ALMS1: variants seen among roughly 807,000 people sequenced by gnomAD.
ALMS1 encodes centrosome-associated protein ALMS1.
ALMS1 carries 271 observed loss-of-function variants against 352.2 expected under a neutral mutation model. The observed-to-expected ratio is 0.77, with a 90% CI of 0.70 to 0.85. The LOEUF (loss-of-function observed/expected upper bound fraction) is 0.85, where lower values mean the gene tolerates loss of function less well. Ranked by LOEUF, ALMS1 falls within the 40% of genes least tolerant of loss-of-function variation. The probability of loss-of-function intolerance (pLI) is 0.00; values close to 1 mark genes in which losing one functional copy is unlikely to be tolerated. For synonymous variants in ALMS1, 1,865 were observed against 1,761.2 expected (o/e 1.06, Z -1.48); for missense variants, 5,445 against 4,870.7 (o/e 1.12, Z -3.51).
At chr2:73,550,501 C>T (rs1337952932) in intron 13 of ALMS1, 64 bp downstream of exon 13, 1 of 1,572,178 alleles carries the variant, frequency 6.4e-7, no homozygotes, top group Non-Finnish European at 8.7e-7. Flanking sequence ...AATGAGATTA[C>T]TATCCAATCT....
At position 73,579,549 on chromosome 2, in the gene ALMS1, G is replaced by A. The variant is rs533117152; in HGVS notation, c.11547+6125G>A. Among the ~76,000 whole-genome samples, 5 of 152,014 alleles carry A rather than the reference G, an allele frequency of 3.3e-5. No homozygotes were observed. In the East Asian group the frequency reaches 5.8e-4, roughly 18 times the overall value. The stretch of plus-strand genomic sequence containing the variant: ...CTAATTTTTGTATTTTAGTAGAGAC[G>A]TGGTTTCACCGTGTTGGCCAGGCTG... On this transcript the variant is annotated intron_variant, in intron 16 of 22. Transcript: ENST00000613296.
At chr2:73,461,345 G>C (rs907397294) in intron 9 of ALMS1, among the ~76,000 whole-genome samples, 7 of 152,186 alleles carry the variant, frequency 4.6e-5, no homozygotes, top group African/African-American at 1.2e-4. Context: ...AGGCAAACAG[G>C]GTCTGGAGTG....
Position 73,452,470 on chromosome 2 carries a change from A to C in ALMS1, c.5943A>C (p.Pro1981=). The change falls in exon 8 of 23, where the codon CCA becomes CCC. Residue 1981 remains proline (P), a synonymous_variant. Coordinates refer to ENST00000613296, the MANE Select transcript of ALMS1 (RefSeq NM_001378454.1). ...CAGCAGAGCAGAAGACTGGGATACCAATAGGACTGTCTAGTTCCTACTCAC... is the reference window on the plus strand; with the variant it reads ...CAGCAGAGCAGAAGACTGGGATACCCATAGGACTGTCTAGTTCCTACTCAC... ...SIPAEQKTGI[P]IGLSSSYSHS... 1 of 1,614,078 alleles carries C rather than the reference A, an allele frequency of 6.2e-7. No individual in the cohort carries two copies.
intron 1 of ALMS1, among the ~76,000 whole-genome samples, chr2:73,407,061 T>A (rs1391937386): frequency 6.6e-6 from 1 of 152,222 alleles, no homozygotes; most frequent in East Asian, 1.9e-4. Context: ...TAGTTTATTT[T>A]AAAAAGTTAT....
chr2:73,596,469 C>CTT (rs755275134), intron 16 of ALMS1, among the ~76,000 whole-genome samples: 13 of 139,668 alleles, frequency 9.3e-5, no homozygotes, highest in Non-Finnish European at 1.3e-4. Context: ...ATGTCTGTAT[C>CTT]TTTTTTTTTT....
At position 73,603,626 on chromosome 2, in the gene ALMS1, G is replaced by A. The variant is rs116389711; in HGVS notation, c.12362+322G>A. 5.0e-3 allele frequency: 1,764 copies of A among 354,638 alleles called. 42 individuals carry two copies. Among genetic ancestry groups the A allele is most frequent in the African/African-American group, 0.034 (1,596 of 46,872 alleles). The allele number at this position is 354,638 out of a possible 1,614,324, so 22.0% of individuals were successfully genotyped here. A position where few individuals can be genotyped will look rare whatever the true frequency, so the allele number is the denominator to read the frequency against. On this transcript the variant is annotated intron_variant, in intron 21 of 22. Transcript: ENST00000613296. Reference sequence around the variant, plus strand: ...TGTAATCCCAGCACTTAGGGAGGCCGAGGTGTGCAGATCACATGAGGTTAG... The same window carrying A: ...TGTAATCCCAGCACTTAGGGAGGCCAAGGTGTGCAGATCACATGAGGTTAG...
At chr2:73,529,296 G>A (rs1463209763) in intron 11 of ALMS1, among the ~76,000 whole-genome samples, 5 of 152,012 alleles carry the variant, frequency 3.3e-5, no homozygotes, top group Non-Finnish European at 5.9e-5. Context: ...TGCCCACCTC[G>A]GCCTCCCAAA....
intron 1 of ALMS1, among the ~76,000 whole-genome samples, chr2:73,402,417 G>T (rs1670892789): frequency 6.6e-6 from 1 of 151,770 alleles, no homozygotes; most frequent in Admixed American, 6.6e-5. Flanking sequence ...GGGGTTACAG[G>T]TGTGCACTAC....
At chr2:73,424,276 A>G (rs1481298730) in intron 4 of ALMS1, among the ~76,000 whole-genome samples, 154 bp from the exon 5 acceptor site, 1 of 152,234 alleles carries the variant, frequency 6.6e-6, no homozygotes, top group African/African-American at 2.4e-5. Context: ...GTCATTAGCC[A>G]TCTTAGAAGA....
rs369695595 is a variant in ALMS1 at position 73,426,571 on chromosome 2, G to A, written c.1338+18G>A. 5 of 1,610,686 alleles carry A rather than the reference G, an allele frequency of 3.1e-6. No homozygotes were observed. In the African/African-American group the frequency reaches 6.7e-5, roughly 22 times the overall value. ...AAAGAAAGGTGAGACACAATAAAAT[G>A]ATAGTTGTAAGAAACGTGGCCTTTT... is the stretch of plus-strand genomic sequence containing the variant. On this transcript the variant is annotated intron_variant, in intron 6 of 22. Transcript: ENST00000613296.
intron 10 of ALMS1, among the ~76,000 whole-genome samples, chr2:73,491,981 G>A (rs948171733): frequency 3.3e-5 from 5 of 152,066 alleles, no homozygotes; most frequent in African/African-American, 1.2e-4. Flanking sequence ...GAAAATCCTG[G>A]CAGATACCAG....
At position 73,447,531 on chromosome 2, in the gene ALMS1, C is replaced by G. The variant is rs543229725; in HGVS notation, c.1433-429C>G. 9.2e-5 allele frequency among the ~76,000 whole-genome samples: 14 copies of G among 152,234 alleles called. No homozygotes were observed. The South Asian group carries it at 2.9e-3, about 32-fold the overall frequency. On this transcript the variant is annotated intron_variant, in intron 7 of 22. Transcript: ENST00000613296. ...GGCAGGAGGAACCCGTGAAAATAAG[C>G]TGATGAGCCTTTGCTGTACCAGGGA... is the stretch of plus-strand genomic sequence containing the variant.
At chr2:73,494,664 T>C (rs1357109423) in intron 10 of ALMS1, among the ~76,000 whole-genome samples, 2 of 152,202 alleles carry the variant, frequency 1.3e-5, no homozygotes, top group Non-Finnish European at 2.9e-5. Flanking sequence ...CATTGTTTGA[T>C]GGTTCAAGGT....
intron 9 of ALMS1, among the ~76,000 whole-genome samples, chr2:73,460,800 A>C (rs939521250): frequency 8.5e-5 from 13 of 152,242 alleles, no homozygotes; most frequent in African/African-American, 2.2e-4. Context: ...TATCCCGCAC[A>C]TGGCTCGGAG....
chr2:73,601,326 C>T lies in ALMS1; in HGVS notation c.12004C>T (p.Arg4002Trp), dbSNP rs200897773. 625 of 1,614,024 alleles carry T rather than the reference C, an allele frequency of 3.9e-4. No homozygotes were observed. The highest frequency in any genetic ancestry group is 8.2e-4 in the Middle Eastern group (5 of 6,084). ...GACCAGACCCTGGAGGGAGCCACTGCGGGAGCAGAACTGTCAGGGGCAGCA... is the reference window on the plus strand; with the variant it reads ...GACCAGACCCTGGAGGGAGCCACTGTGGGAGCAGAACTGTCAGGGGCAGCA... ...TKTRPWREPLREQNCQGQHLD... is the reference protein window; with the variant it reads ...TKTRPWREPLWEQNCQGQHLD... Residue 4002 changes from arginine to tryptophan, a missense_variant, in exon 19 of 23, where the codon CGG (arginine) becomes TGG (tryptophan). By Grantham distance (101) the Arg-to-Trp change is moderately radical. Transcript: ENST00000613296.
chr2:73,580,900 A>G (rs1675163259), intron 16 of ALMS1, among the ~76,000 whole-genome samples: 1 of 152,208 alleles, frequency 6.6e-6, no homozygotes, highest in African/African-American at 2.4e-5. Context: ...AAGCAAAAGA[A>G]AAAAGAAAAT....
chr2:73,385,890 T>C lies in ALMS1; in HGVS notation c.22T>C (p.Trp8Arg), dbSNP rs1348138067. 7.1e-6 allele frequency: 6 copies of C among 844,676 alleles called. No homozygotes were observed. The highest frequency in any genetic ancestry group is 2.9e-5 in the South Asian group (2 of 69,184). The allele number at this position is 844,676 out of a possible 1,614,324, so 52.3% of individuals were successfully genotyped here. The change falls in exon 1 of 23, where the codon TGG (tryptophan) becomes CGG (arginine). Residue 8 changes from tryptophan to arginine, a missense_variant. Physicochemically the swap from Trp to Arg is moderately radical, Grantham distance 101 (BLOSUM62 -3). Coordinates refer to ENST00000613296, the MANE Select transcript of ALMS1 (RefSeq NM_001378454.1). ...CAACATGGAGCCCGAGGATCTGCCATGGCCGGGCGAGCTGGAGGAGGAGGA... is the reference window on the plus strand; with the variant it reads ...CAACATGGAGCCCGAGGATCTGCCACGGCCGGGCGAGCTGGAGGAGGAGGA... The part of the protein sequence containing the change: MEPEDLP[W>R]PGELEEEEEE...
chr2:73,581,995 G>A (rs1024465053), intron 16 of ALMS1, among the ~76,000 whole-genome samples: 1 of 152,080 alleles, frequency 6.6e-6, no homozygotes, highest in Non-Finnish European at 1.5e-5. Flanking sequence ...GTCCGCCTTG[G>A]CCTCCCAAAA....
At chr2:73,581,943 C>T (rs1675191852) in intron 16 of ALMS1, among the ~76,000 whole-genome samples, 1 of 152,066 alleles carries the variant, frequency 6.6e-6, no homozygotes, top group Non-Finnish European at 1.5e-5. Context: ...AGGGTTTCAC[C>T]ACGTTGGTCA....
Sources: gnomAD v4.1 joint callset for allele counts (sites outside exome capture counted in the v4.1 genomes callset) on GRCh38, gnomAD v4.1.1 for gene constraint, MANE v1.5 for transcripts, NCBI Gene and HGNC (gene_info 2026-07-23, HGNC 2026-07-21) for gene names.